PTPRA: variants seen among roughly 807,000 people sequenced by gnomAD.
PTPRA encodes receptor-type tyrosine-protein phosphatase alpha.
PTPRA carries 25 observed loss-of-function variants against 104.8 expected under a neutral mutation model. That is an observed-to-expected ratio of 0.24 (90% CI 0.17 to 0.33). The LOEUF (loss-of-function observed/expected upper bound fraction) is 0.33, where lower values mean the gene tolerates loss of function less well. Ranked by LOEUF, PTPRA falls within the 10% of genes least tolerant of loss-of-function variation. The probability of loss-of-function intolerance (pLI) is 1.00; values close to 1 mark genes in which losing one functional copy is unlikely to be tolerated. For synonymous variants in PTPRA, 323 were observed against 368.9 expected, an observed-to-expected ratio of 0.88 and a Z score of 1.43; for missense variants, 765 against 1,015.3, an observed-to-expected ratio of 0.75 and a Z score of 3.35.
At chr20:2,988,628 T>C (rs2063008334) in intron 9 of PTPRA, among the ~76,000 whole-genome samples, 154 bp downstream of exon 9, 1 of 152,248 alleles carries the variant, frequency 6.6e-6, no homozygotes, top group African/African-American at 2.4e-5. Flanking sequence ...CCCTGTATGA[T>C]CATGGATAGG....
At chr20:2,991,862 T>C (rs1009448232) in intron 9 of PTPRA, among the ~76,000 whole-genome samples, 3 of 152,224 alleles carry the variant, frequency 2.0e-5, no homozygotes, top group African/African-American at 7.2e-5. Flanking sequence ...TTGTGCTAGT[T>C]ATCCACTACC....
At chr20:2,938,289 A>G (rs1318559162) in intron 2 of PTPRA, among the ~76,000 whole-genome samples, 1 of 152,066 alleles carries the variant, frequency 6.6e-6, no homozygotes, top group Non-Finnish European at 1.5e-5. Flanking sequence ...GGTTCAAGCA[A>G]TTCTCCTGCG....
At chr20:3,019,159 C>A (rs1346737107) in intron 13 of PTPRA, among the ~76,000 whole-genome samples, 2 of 143,934 alleles carry the variant, frequency 1.4e-5, no homozygotes, top group Non-Finnish European at 1.5e-5. Context: ...GGGGGCTGAT[C>A]CCCCAACCTC....
At position 3,026,713 on chromosome 20, in the gene PTPRA, T is replaced by C. The variant is rs762275484; in HGVS notation, c.1641T>C (p.Asn547=). 3.7e-6 allele frequency: 6 copies of C among 1,612,500 alleles called. No homozygotes were observed. Among genetic ancestry groups the C allele is most frequent in the Admixed American group, 3.3e-5 (2 of 59,990 alleles). The change falls in exon 18 of 24, where the codon AAT becomes AAC. Residue 547 remains asparagine, a synonymous_variant. Coordinates refer to ENST00000399903, the MANE Select transcript of PTPRA (RefSeq NM_001385305.1). ...FKKLTSIKIQ[N]DKMRTGNLPA... ...AGTTAACATCAATCAAAATCCAGAA[T>C]GACAAGATGCGGACTGGAAACCTTC...
Position 2,896,708 on chromosome 20 carries a change from T to C in PTPRA, c.-129+22948T>C, listed in dbSNP as rs944197465. On this transcript the variant is annotated intron_variant, in intron 1 of 23. Transcript: ENST00000399903. ...CTGCCATCTGATTCACAGACCCTACTCAAATTTCACTGATCTTCCAATTAT... is the reference window on the plus strand; with the variant it reads ...CTGCCATCTGATTCACAGACCCTACCCAAATTTCACTGATCTTCCAATTAT... Among the ~76,000 whole-genome samples the C allele has an allele frequency of 9.2e-5, 14 of 152,306 alleles. 1 individual carries two copies. The highest frequency in any genetic ancestry group is 7.8e-4 in the Admixed American group (12 of 15,302).
In PTPRA at chr20:3,022,632, A is replaced by G. The variant is rs1356463789; in HGVS notation, c.1329-57A>G. On this transcript the variant is annotated intron_variant, in intron 15 of 23. Coordinates refer to ENST00000399903, the MANE Select transcript of PTPRA (RefSeq NM_001385305.1). The surrounding 1 kb of genome is among the most constrained non-coding windows in gnomAD (Gnocchi z 4.6). ...GCCCCTGCCTGTGTTGCCCCTCCCT[A>G]TCTGCTCCCACAAGGCAGGCTGGCC... The G allele has an allele frequency of 1.2e-5, 20 of 1,608,544 alleles. No individual in the cohort carries two copies. The highest frequency in any genetic ancestry group is 2.2e-5 in the East Asian group (1 of 44,776).
chr20:3,032,985 TC>T (rs1568710821), intron 20 of PTPRA, among the ~76,000 whole-genome samples: 2 of 151,768 alleles, frequency 1.3e-5, no homozygotes, highest in Non-Finnish European at 2.9e-5. Flanking sequence ...AACACTTACT[TC>T]CGTAGCATCA....
At chr20:3,031,466 A>T (rs1286146471) in intron 20 of PTPRA, among the ~76,000 whole-genome samples, 1 of 151,814 alleles carries the variant, frequency 6.6e-6, no homozygotes, top group Non-Finnish European at 1.5e-5. Context: ...GCTCCTTTTG[A>T]GCCCCTGTTC....
At chr20:3,004,181 C>G (rs2063755962) in intron 9 of PTPRA, among the ~76,000 whole-genome samples, 1 of 152,138 alleles carries the variant, frequency 6.6e-6, no homozygotes, top group African/African-American at 2.4e-5. Flanking sequence ...CCATACCCAG[C>G]TAATTGTTGT....
chr20:2,943,725 A>G (rs2061016341), intron 2 of PTPRA, among the ~76,000 whole-genome samples: 1 of 152,224 alleles, frequency 6.6e-6, no homozygotes, highest in South Asian at 2.1e-4. Context: ...TTAGCATGAA[A>G]GAACTATCTT....
At chr20:2,868,338 A>C in the PTPRA span, among the ~76,000 whole-genome samples, 1 of 114,880 alleles carries the variant, frequency 8.7e-6, no homozygotes, top group Non-Finnish European at 1.6e-5. Flanking sequence ...TTTGCGTGGT[A>C]GAGATGGGGT....
chr20:2,959,486 G>T (rs2061667625), intron 3 of PTPRA, among the ~76,000 whole-genome samples: 1 of 151,802 alleles, frequency 6.6e-6, no homozygotes, highest in Non-Finnish European at 1.5e-5. Flanking sequence ...TTTCAAAATT[G>T]GACTGTTATG....
At chr20:2,923,655 C>G (rs2060181419) in intron 2 of PTPRA, among the ~76,000 whole-genome samples, 1 of 151,860 alleles carries the variant, frequency 6.6e-6, no homozygotes, top group African/African-American at 2.4e-5. Context: ...AAAAATTAGC[C>G]AGATGTGGTG....
At chr20:2,951,663 T>C (rs2061358301) in intron 3 of PTPRA, among the ~76,000 whole-genome samples, 1 of 152,140 alleles carries the variant, frequency 6.6e-6, no homozygotes, top group African/African-American at 2.4e-5. Context: ...TGAAACCACA[T>C]AAAGGCTCTT....
upstream of PTPRA, among the ~76,000 whole-genome samples, chr20:2,869,354 C>A (rs1480640089): frequency 1.3e-5 from 2 of 152,040 alleles, no homozygotes; most frequent in African/African-American, 4.8e-5. Flanking sequence ...CAGGCAAAAT[C>A]TACATACATT....
intron 3 of PTPRA, among the ~76,000 whole-genome samples, chr20:2,960,427 T>A (rs542348058): frequency 6.1e-4 from 93 of 152,086 alleles, no homozygotes; most frequent in African/African-American, 2.2e-3. Flanking sequence ...TTTTTTGTAT[T>A]TGTAGTAGAG....
chr20:3,032,196 A>G (rs368520303), intron 20 of PTPRA, among the ~76,000 whole-genome samples: 80 of 152,104 alleles, frequency 5.3e-4, no homozygotes, highest in African/African-American at 1.7e-3. Flanking sequence ...TACCAACTCT[A>G]TTCTCTCTTG....
At chr20:2,880,109 G>A (rs1203095050) in intron 1 of PTPRA, among the ~76,000 whole-genome samples, 2 of 152,206 alleles carry the variant, frequency 1.3e-5, no homozygotes, top group African/African-American at 4.8e-5. Context: ...CTATCCTGAA[G>A]GCAGAGCTAA....
the PTPRA span, chr20:2,865,812 G>A: frequency 1.3e-3 from 607 of 476,798 alleles, 3 homozygotes; most frequent in East Asian, 0.022. The surrounding 1 kb of genome is among the most constrained non-coding windows in gnomAD (Gnocchi z 5.2). Flanking sequence ...CAGGGAGGGT[G>A]CATATGGGAG....
Sources: allele counts gnomAD v4.1 joint callset (sites outside exome capture counted in the v4.1 genomes callset), GRCh38; gene constraint gnomAD v4.1.1; non-coding constraint Gnocchi (gnomAD v3.1); transcripts MANE v1.5; gene names NCBI Gene and HGNC (gene_info 2026-07-23, HGNC 2026-07-21).